The following PPA2 variants were observed in gnomAD, a reference collection of about 807,000 sequenced individuals.
The protein encoded by PPA2 is inorganic pyrophosphatase 2.
A neutral mutation model predicts 49.5 loss-of-function variants in PPA2; 48 were observed. That is an observed-to-expected ratio of 0.97 (90% CI 0.77 to 1.23). The LOEUF is 1.23. PPA2 is among the 50% of genes most tolerant of loss of function. The probability of loss-of-function intolerance (pLI) is 0.00; values close to 1 mark genes in which losing one functional copy is unlikely to be tolerated. For synonymous variants in PPA2, 131 were observed against 139.9 expected (o/e 0.94, Z 0.45); for missense variants, 429 against 410.1 (o/e 1.05, Z -0.40).
At chr4:105,398,954 T>C (rs1734251271) in intron 8 of PPA2, 83 bp downstream of exon 8, 1 of 1,457,180 alleles carries the variant, frequency 6.9e-7, no homozygotes, top group Non-Finnish European at 9.3e-7. Context: ...TATATACATA[T>C]TCACATAAGA....
chr4:105,451,692 T>C (rs1292134763), intron 3 of PPA2, among the ~76,000 whole-genome samples: 3 of 152,124 alleles, frequency 2.0e-5, no homozygotes, highest in African/African-American at 7.2e-5. Flanking sequence ...GTGACAATCG[T>C]TTTACACAAT....
chr4:105,423,929 G>T (rs1183258398), intron 7 of PPA2, among the ~76,000 whole-genome samples: 4 of 152,012 alleles, frequency 2.6e-5, no homozygotes, highest in African/African-American at 9.7e-5. Context: ...AATCATGGAA[G>T]TAAGGAAAGA....
At chr4:105,397,624 C>A (rs1734202342) in intron 8 of PPA2, among the ~76,000 whole-genome samples, 2 of 152,040 alleles carry the variant, frequency 1.3e-5, no homozygotes, top group South Asian at 4.2e-4. Flanking sequence ...GAAGTGAGGC[C>A]TAATGGGAGG....
At chr4:105,466,311 T>C (rs1445112151) in intron 1 of PPA2, among the ~76,000 whole-genome samples, 1 of 152,008 alleles carries the variant, frequency 6.6e-6, no homozygotes, top group Non-Finnish European at 1.5e-5. Context: ...ATATATGCAC[T>C]GTACTAAGCA....
intron 5 of PPA2, among the ~76,000 whole-genome samples, chr4:105,438,834 C>T (rs930227893): frequency 2.0e-5 from 3 of 151,996 alleles, no homozygotes; most frequent in South Asian, 2.1e-4. Flanking sequence ...GACCGTCATC[C>T]CAAGAATCAG....
At chr4:105,450,182 A>G (rs1324438355) in intron 3 of PPA2, among the ~76,000 whole-genome samples, 2 of 152,220 alleles carry the variant, frequency 1.3e-5, no homozygotes, top group Non-Finnish European at 2.9e-5. Flanking sequence ...ACATTTTGAC[A>G]TCAATAACTA....
chr4:105,405,165 T>C (rs1235664086), intron 7 of PPA2: 2 of 626,090 alleles, frequency 3.2e-6, no homozygotes, highest in Non-Finnish European at 4.0e-6. Context: ...TTTTCATTAA[T>C]ATTGACAGTT....
At position 105,449,411 on chromosome 4, in the gene PPA2, TAAAAAC is replaced by T. The variant is rs1722570191; in HGVS notation, c.268-14_268-9del. Reference sequence around the variant, plus strand: ...AATCATATTAAACAGATTCTGCAGTTAAAAACAAAACAAAGAGAGAACATTAAAAAT... The same window carrying T: ...AATCATATTAAACAGATTCTGCAGTTAAAACAAAGAGAGAACATTAAAAAT... On this transcript the variant is annotated splice_polypyrimidine_tract_variant and intron_variant, in intron 3 of 11. Transcript: ENST00000341695. 6.5e-7 allele frequency: 1 copy of T among 1,549,662 alleles called. No individual in the cohort carries two copies. The highest frequency in any genetic ancestry group is 1.4e-5 in the African/African-American group (1 of 72,390).
At chr4:105,441,916 T>C (rs142717875) in intron 5 of PPA2, among the ~76,000 whole-genome samples, 12 of 152,224 alleles carry the variant, frequency 7.9e-5, no homozygotes, top group African/African-American at 2.6e-4. Flanking sequence ...CAAAGCCATA[T>C]ATACAGGTGG....
chr4:105,417,875 G>T (rs72950516), intron 7 of PPA2, among the ~76,000 whole-genome samples: 5,017 of 152,224 alleles, frequency 0.033, 276 homozygotes, highest in African/African-American at 0.11. Context: ...TTTTTCAGAA[G>T]AGTGATGTAA....
At chr4:105,403,274 G>C (rs1722309066) in intron 7 of PPA2, among the ~76,000 whole-genome samples, 1 of 151,944 alleles carries the variant, frequency 6.6e-6, no homozygotes, top group South Asian at 2.1e-4. Context: ...TGAACTCCTG[G>C]GCTCCAGTGT....
chr4:105,443,268 G>T (rs1724447430), intron 5 of PPA2, among the ~76,000 whole-genome samples: 1 of 152,000 alleles, frequency 6.6e-6, no homozygotes, highest in South Asian at 2.1e-4. Flanking sequence ...CCCAGGAAAG[G>T]ACACAGTGAA....
chr4:105,458,143 TAAAA>T (rs145401627), intron 1 of PPA2, among the ~76,000 whole-genome samples: 5,892 of 152,062 alleles, frequency 0.039, 148 homozygotes, highest in Non-Finnish European at 0.057. Flanking sequence ...AAACAAATGA[TAAAA>T]TAAATGAGAG....
rs181573125 is a variant in PPA2, at chr4:105,375,084, G to A, written c.940-4211C>T. ...TCACACAATCCTTTTCTGATTTTTC[G>A]CTTTAGAATCAACAATATAGGTTCA... On this transcript the variant is annotated intron_variant, in intron 10 of 11. Coordinates refer to ENST00000341695, the MANE Select transcript of PPA2 (RefSeq NM_176869.3). Among the ~76,000 whole-genome samples, 888 of 151,632 alleles carry A rather than the reference G, an allele frequency of 5.9e-3. 44 individuals carry two copies. The highest frequency in any genetic ancestry group is 0.054 in the Admixed American group (818 of 15,244).
chr4:105,439,466 C>A (rs1473892427), intron 5 of PPA2, among the ~76,000 whole-genome samples: 1 of 152,066 alleles, frequency 6.6e-6, no homozygotes, highest in Non-Finnish European at 1.5e-5. Context: ...CCAGTCTTCC[C>A]GTTACTGCTT....
chr4:105,405,969 G>C, intron 7 of PPA2: 1 of 361,898 alleles, frequency 2.8e-6, no homozygotes, highest in Middle Eastern at 3.9e-4. Context: ...AGAAAAAGCA[G>C]TTAACAGAAA....
chr4:105,467,335 T>C (rs767251805), intron 1 of PPA2, among the ~76,000 whole-genome samples: 4 of 152,064 alleles, frequency 2.6e-5, no homozygotes, highest in Non-Finnish European at 4.4e-5. Context: ...AAAGCACAGG[T>C]GTGCAGAGGA....
chr4:105,378,430 A>T (rs1164474732), intron 10 of PPA2, among the ~76,000 whole-genome samples: 1 of 152,154 alleles, frequency 6.6e-6, no homozygotes, highest in Non-Finnish European at 1.5e-5. Flanking sequence ...GTACATTTTT[A>T]AAAACTGAAT....
At chr4:105,422,143 A>G (rs921910545) in intron 7 of PPA2, among the ~76,000 whole-genome samples, 2 of 152,194 alleles carry the variant, frequency 1.3e-5, no homozygotes, top group Admixed American at 1.3e-4. Flanking sequence ...TAAAATAAAC[A>G]ATTTTCATTT....
Sources: gnomAD v4.1 joint callset for allele counts (sites outside exome capture counted in the v4.1 genomes callset) on GRCh38, gnomAD v4.1.1 for gene constraint, MANE v1.5 for transcripts, NCBI Gene and HGNC (gene_info 2026-07-23, HGNC 2026-07-21) for gene names.